The following SKAP1 variants were observed in gnomAD, a reference collection of about 807,000 sequenced individuals.
SKAP1 encodes the protein src kinase-associated phosphoprotein 1.
A neutral mutation model predicts 58.5 loss-of-function variants in SKAP1; 44 were observed. That is an observed-to-expected ratio of 0.75 (90% CI 0.59 to 0.97). SKAP1 has a LOEUF of 0.97. Ranked by LOEUF, SKAP1 falls within the 50% of genes least tolerant of loss-of-function variation. The probability of loss-of-function intolerance (pLI) is 0.00; values close to 1 mark genes in which losing one functional copy is unlikely to be tolerated. For synonymous variants in SKAP1, 127 were observed against 149.7 expected (o/e 0.85, Z 1.11); for missense variants, 390 against 435.2 (o/e 0.90, Z 0.92).
chr17:48,314,268 A>G (rs1211717482), intron 4 of SKAP1, among the ~76,000 whole-genome samples: 2 of 152,180 alleles, frequency 1.3e-5, no homozygotes, highest in Non-Finnish European at 2.9e-5. Flanking sequence ...TCATTTTTGC[A>G]TCATATCCCT....
chr17:48,422,120 A>G (rs1392364751), intron 1 of SKAP1, among the ~76,000 whole-genome samples: 1 of 152,160 alleles, frequency 6.6e-6, no homozygotes, highest in Admixed American at 6.5e-5. Context: ...GTGAGGCAGG[A>G]GAATCGCTCG....
intron 1 of SKAP1, among the ~76,000 whole-genome samples, chr17:48,421,200 TA>T (rs1361443257): frequency 1.3e-5 from 2 of 152,112 alleles, no homozygotes; most frequent in East Asian, 3.8e-4. Flanking sequence ...CACGTTTTTT[TA>T]AATTTTAGCA....
At chr17:48,227,555 G>T (rs1366557691) in intron 4 of SKAP1, among the ~76,000 whole-genome samples, 2 of 152,200 alleles carry the variant, frequency 1.3e-5, no homozygotes, top group Non-Finnish European at 2.9e-5. Flanking sequence ...CTTGTGTTAA[G>T]AATTTTAGAA....
At chr17:48,269,273 G>C (rs1187842867) in intron 4 of SKAP1, among the ~76,000 whole-genome samples, 2 of 151,788 alleles carry the variant, frequency 1.3e-5, no homozygotes, top group Non-Finnish European at 2.9e-5. Context: ...AGTTAGAAGT[G>C]ATAAAAGTAA....
At chr17:48,188,523 T>TA (rs914723024) in intron 5 of SKAP1, among the ~76,000 whole-genome samples, 1 of 151,312 alleles carries the variant, frequency 6.6e-6, no homozygotes, top group Non-Finnish European at 1.5e-5. Context: ...CTTGTCTCTA[T>TA]AAAAAAATAA....
At chr17:48,252,637 T>C (rs1047759513) in intron 4 of SKAP1, among the ~76,000 whole-genome samples, 4 of 152,088 alleles carry the variant, frequency 2.6e-5, no homozygotes, top group African/African-American at 7.2e-5. Flanking sequence ...TAAGTTTACA[T>C]TGGATTTAAA....
At chr17:48,196,388 T>C (rs991461318) in intron 4 of SKAP1, among the ~76,000 whole-genome samples, 3 of 152,212 alleles carry the variant, frequency 2.0e-5, no homozygotes, top group African/African-American at 7.2e-5. Flanking sequence ...ATGAGCAGGT[T>C]TTATTTTATT....
chr17:48,280,147 T>C (rs2065748720), intron 4 of SKAP1, among the ~76,000 whole-genome samples: 1 of 152,194 alleles, frequency 6.6e-6, no homozygotes, highest in Non-Finnish European at 1.5e-5. Flanking sequence ...TGGTTTTAAA[T>C]ACTTTATTGA....
chr17:48,240,301 T>C (rs1268818158), intron 4 of SKAP1, among the ~76,000 whole-genome samples: 2 of 152,136 alleles, frequency 1.3e-5, no homozygotes, highest in South Asian at 2.1e-4. Flanking sequence ...CCTTGAAATA[T>C]ATGATAATAA....
chr17:48,345,825 A>G (rs1380323859), intron 4 of SKAP1, 80 bp downstream of exon 4: 7 of 994,016 alleles, frequency 7.0e-6, no homozygotes, highest in Non-Finnish European at 1.1e-5. Flanking sequence ...CTAGATACAA[A>G]AATGACAAAA....
At chr17:48,286,952 G>C (rs548350845) in intron 4 of SKAP1, among the ~76,000 whole-genome samples, 1 of 151,934 alleles carries the variant, frequency 6.6e-6, no homozygotes, top group Non-Finnish European at 1.5e-5. Flanking sequence ...AAAAATTGGC[G>C]GGGCTTGCTG....
chr17:48,284,281 A>C (rs1839543377), intron 4 of SKAP1, among the ~76,000 whole-genome samples: 8 of 152,262 alleles, frequency 5.3e-5, no homozygotes, highest in Admixed American at 5.2e-4. Context: ...TAATTTCTGG[A>C]GGCCAATTTC....
Position 48,292,132 on chromosome 17 carries a change from CA to C in SKAP1, c.280+53772del, listed in dbSNP as rs67360130. Among the ~76,000 whole-genome samples the C allele has an allele frequency of 6.3e-3, 766 of 121,564 alleles. 6 individuals are homozygous for C. Among genetic ancestry groups the C allele is most frequent in the African/African-American group, 0.018 (594 of 33,910 alleles). 79.8% of individuals were successfully genotyped at this position (121,564 alleles called of 152,430 possible). On this transcript the variant is annotated intron_variant, in intron 4 of 12. Transcript: ENST00000336915. ...ATGAAAATCATTAGTTTAGCCTATT[CA>C]AAAAAAAAAAAAAGAAAGAAAGAAA...
At chr17:48,137,508 A>G (rs377635865) in intron 11 of SKAP1, among the ~76,000 whole-genome samples, 171 bp from the exon 12 acceptor site, 3 of 152,348 alleles carry the variant, frequency 2.0e-5, no homozygotes, top group African/African-American at 7.2e-5. Context: ...ATCTAGAGGA[A>G]GAGAGCAAGC....
chr17:48,197,807 T>C (rs1214503859), intron 4 of SKAP1, among the ~76,000 whole-genome samples: 1 of 152,172 alleles, frequency 6.6e-6, no homozygotes, highest in Non-Finnish European at 1.5e-5. Flanking sequence ...AAACCATGAG[T>C]ATTCATGGAG....
At chr17:48,182,368 A>G in intron 8 of SKAP1, 26 bp downstream of exon 8, 1 of 1,513,576 alleles carries the variant, frequency 6.6e-7, no homozygotes, top group Non-Finnish European at 9.1e-7. Flanking sequence ...CAACTCAAGT[A>G]TTATTTCTGT....
intron 11 of SKAP1, among the ~76,000 whole-genome samples, chr17:48,146,785 C>T (rs1282846776): frequency 1.3e-5 from 2 of 152,040 alleles, no homozygotes; most frequent in East Asian, 2.0e-4. Context: ...CCCGCCACCA[C>T]GCCCAGCTAA....
chr17:48,347,396 G>T (rs1015005929), intron 3 of SKAP1, among the ~76,000 whole-genome samples: 2 of 152,100 alleles, frequency 1.3e-5, no homozygotes, highest in Admixed American at 1.3e-4. Context: ...CACTTTAAAG[G>T]TTTATTTCCT....
At chr17:48,337,081 A>C (rs2066582105) in intron 4 of SKAP1, among the ~76,000 whole-genome samples, 1 of 152,188 alleles carries the variant, frequency 6.6e-6, no homozygotes, top group African/African-American at 2.4e-5. Context: ...ATAAAGGAAC[A>C]ATTCCTCTCT....
Sources: gnomAD v4.1 joint callset for allele counts (sites outside exome capture counted in the v4.1 genomes callset) on GRCh38, gnomAD v4.1.1 for gene constraint, MANE v1.5 for transcripts, NCBI Gene and HGNC (gene_info 2026-07-23, HGNC 2026-07-21) for gene names.